FMN1: variants seen among roughly 807,000 people sequenced by gnomAD.
The protein encoded by FMN1 is formin 1.
A neutral mutation model predicts 132.4 loss-of-function variants in FMN1; 110 were observed. The observed-to-expected ratio is 0.83, with a 90% CI of 0.71 to 0.97. The LOEUF is 0.97. FMN1 is among the 50% of genes least tolerant of loss of function. The probability of loss-of-function intolerance (pLI) is 0.00; values close to 1 mark genes in which losing one functional copy is unlikely to be tolerated. For missense variants in FMN1, 1,792 were observed against 1,705.3 expected (o/e 1.05, Z -0.90); for synonymous variants, 722 against 651.7 (o/e 1.11, Z -1.64).
In FMN1 at chr15:32,880,188, T is replaced by A. The variant is rs181182079; in HGVS notation, c.3835+7984A>T. Among the ~76,000 whole-genome samples the A allele has an allele frequency of 2.6e-3, 396 of 152,328 alleles. 2 individuals carry two copies. Among genetic ancestry groups the A allele is most frequent in the African/African-American group, 9.3e-3 (388 of 41,566 alleles). On this transcript the variant is annotated intron_variant, in intron 16 of 20. Coordinates refer to ENST00000616417, the MANE Select transcript of FMN1 (RefSeq NM_001277313.2). ...AGACTAGCGTTTGGTGTTGACATTATTATGACTTTGCAAAAACAACTCGCA... is the reference window on the plus strand; with the variant it reads ...AGACTAGCGTTTGGTGTTGACATTAATATGACTTTGCAAAAACAACTCGCA...
chr15:33,066,920 C>G (rs756896089), intron 5 of FMN1: 2 of 1,613,926 alleles, frequency 1.2e-6, no homozygotes, highest in Non-Finnish European at 1.7e-6. Flanking sequence ...TGTCTGCAGC[C>G]CTGCCTGCAC....
At chr15:32,865,652 C>T (rs1474705551) in intron 16 of FMN1, among the ~76,000 whole-genome samples, 1 of 152,100 alleles carries the variant, frequency 6.6e-6, no homozygotes, top group Non-Finnish European at 1.5e-5. Context: ...GCCTAATCAA[C>T]ATGGAGAAAC....
chr15:32,911,002 G>A (rs549273759), intron 10 of FMN1, among the ~76,000 whole-genome samples: 1 of 152,184 alleles, frequency 6.6e-6, no homozygotes, highest in East Asian at 1.9e-4. Context: ...GCACCTTTCC[G>A]TGGCCACTGC....
Position 33,084,534 on chromosome 15 carries a change from A to G in FMN1, c.2043+4265T>C, listed in dbSNP as rs116440334. Among the ~76,000 whole-genome samples the G allele has an allele frequency of 9.8e-3, 1,487 of 152,230 alleles. 30 individuals carry two copies. The highest frequency in any genetic ancestry group is 0.034 in the African/African-American group (1,413 of 41,530). ...GTGTCAATTGAATTGTGGGACATCTAGTTGGTGTCTACAGGCAATTGGGGA... is the reference window on the plus strand; with the variant it reads ...GTGTCAATTGAATTGTGGGACATCTGGTTGGTGTCTACAGGCAATTGGGGA... On this transcript the variant is annotated intron_variant, in intron 5 of 20. Transcript: ENST00000616417.
At chr15:32,897,400 T>C (rs1259662851) in intron 15 of FMN1, among the ~76,000 whole-genome samples, 1 of 152,188 alleles carries the variant, frequency 6.6e-6, no homozygotes, top group African/African-American at 2.4e-5. Flanking sequence ...GGAGACTTTT[T>C]CCCAAAAAAT....
chr15:33,074,131 A>G (rs2038106384), intron 5 of FMN1, among the ~76,000 whole-genome samples: 1 of 152,166 alleles, frequency 6.6e-6, no homozygotes, highest in South Asian at 2.1e-4. Flanking sequence ...CCAGATGGGG[A>G]AAAAGGCATC....
intron 9 of FMN1, among the ~76,000 whole-genome samples, chr15:32,937,891 A>G (rs2061315202): frequency 6.6e-6 from 1 of 152,254 alleles, no homozygotes; most frequent in African/African-American, 2.4e-5. Flanking sequence ...CTGAAAGGAA[A>G]CAAATGGAGG....
chr15:33,127,898 T>TC (rs1963254886), intron 4 of FMN1, among the ~76,000 whole-genome samples: 1 of 151,446 alleles, frequency 6.6e-6, no homozygotes, highest in Non-Finnish European at 1.5e-5. Flanking sequence ...CTCTCTTTAT[T>TC]CTACAACAAA....
intron 9 of FMN1, among the ~76,000 whole-genome samples, chr15:32,953,131 C>T (rs934663580): frequency 2.6e-5 from 4 of 152,180 alleles, no homozygotes; most frequent in Admixed American, 1.3e-4. Context: ...TTTTGTCATT[C>T]ACTCCACTGG....
chr15:32,986,762 G>A (rs2033094906), intron 7 of FMN1, among the ~76,000 whole-genome samples: 1 of 151,970 alleles, frequency 6.6e-6, no homozygotes, highest in African/African-American at 2.4e-5. Context: ...CTCTTCTCCT[G>A]GAATATAGAC....
intron 6 of FMN1, among the ~76,000 whole-genome samples, chr15:33,025,165 A>T (rs1271260766): frequency 6.6e-6 from 1 of 152,232 alleles, no homozygotes; most frequent in Non-Finnish European, 1.5e-5. Context: ...AGTAGTGAGT[A>T]TAATCATGAA....
chr15:33,026,296 A>G (rs1180113982), intron 6 of FMN1, among the ~76,000 whole-genome samples: 1 of 152,132 alleles, frequency 6.6e-6, no homozygotes, highest in East Asian at 1.9e-4. Flanking sequence ...AGAAAATATG[A>G]TAAAAAGCTT....
intron 7 of FMN1, among the ~76,000 whole-genome samples, chr15:32,992,550 A>G (rs764009169): frequency 2.1e-4 from 32 of 152,208 alleles, no homozygotes; most frequent in Non-Finnish European, 3.1e-4. Context: ...TAGTTTACAA[A>G]CTTAAGAAAA....
chr15:32,946,898 A>G (rs1447839001), intron 9 of FMN1, among the ~76,000 whole-genome samples: 1 of 152,204 alleles, frequency 6.6e-6, no homozygotes, highest in African/African-American at 2.4e-5. Context: ...CAGGTAGCAT[A>G]GTTTCTTTTT....
chr15:32,856,859 G>GTT (rs2059143884), intron 17 of FMN1, among the ~76,000 whole-genome samples, 156 bp downstream of exon 17: 1 of 152,170 alleles, frequency 6.6e-6, no homozygotes, highest in African/African-American at 2.4e-5. Context: ...TTTATCTACC[G>GTT]TGAGTATGTA....
chr15:33,021,830 GTCCCTA>G (rs2035431544), intron 6 of FMN1, among the ~76,000 whole-genome samples: 2 of 152,088 alleles, frequency 1.3e-5, no homozygotes, highest in South Asian at 4.1e-4. Context: ...TGAATATATG[GTCCCTA>G]AAACTTACAA....
chr15:33,049,268 G>T (rs570510262), intron 6 of FMN1, among the ~76,000 whole-genome samples: 18 of 152,246 alleles, frequency 1.2e-4, no homozygotes, highest in African/African-American at 3.9e-4. Flanking sequence ...CTTAGCTCAT[G>T]CATTAGGCCC....
At chr15:32,809,053 GA>G (rs901640167) in intron 17 of FMN1, among the ~76,000 whole-genome samples, 7 of 118,660 alleles carry the variant, frequency 5.9e-5, no homozygotes, top group African/African-American at 2.4e-4. Context: ...TCAGGAGAAA[GA>G]GAAAAACTTA....
At chr15:33,140,193 A>AACACACACACACACAC (rs61485667) in intron 4 of FMN1, among the ~76,000 whole-genome samples, 29 of 142,964 alleles carry the variant, frequency 2.0e-4, no homozygotes, top group Middle Eastern at 3.5e-3. Flanking sequence ...CCTATGGTTA[A>AACACACACACACACAC]ACACACACAC....
Sources: allele counts gnomAD v4.1 joint callset (sites outside exome capture counted in the v4.1 genomes callset), GRCh38; gene constraint gnomAD v4.1.1; transcripts MANE v1.5; gene names NCBI Gene and HGNC (gene_info 2026-07-23, HGNC 2026-07-21).